The following MARCHF1 variants were observed in gnomAD, a reference collection of about 807,000 sequenced individuals.
The protein encoded by MARCHF1 is E3 ubiquitin-protein ligase MARCHF1.
MARCHF1 carries 40 observed loss-of-function variants against 54.2 expected under a neutral mutation model. That is an observed-to-expected ratio of 0.74 (90% confidence interval 0.57 to 0.96). MARCHF1 has a LOEUF of 0.96. MARCHF1 is among the 40% of genes least tolerant of loss of function. The pLI, the probability that MARCHF1 is intolerant of heterozygous loss-of-function variation, is 0.00. For missense variants in MARCHF1, 586 were observed against 656.5 expected (o/e 0.89, Z 1.17); for synonymous variants, 236 against 236.3 (o/e 1.00, Z 0.01).
intron 1 of MARCHF1, among the ~76,000 whole-genome samples, chr4:164,215,092 C>A (rs542699670): frequency 6.6e-6 from 1 of 152,312 alleles, no homozygotes; most frequent in African/African-American, 2.4e-5. Context: ...TTAGACCCTT[C>A]CTTATCACAG....
chr4:164,068,527 G>T (rs1249661926), intron 2 of MARCHF1, among the ~76,000 whole-genome samples: 1 of 152,176 alleles, frequency 6.6e-6, no homozygotes, highest in African/African-American at 2.4e-5. Context: ...AGCAGTGAGG[G>T]GCTTAGCACC....
intron 1 of MARCHF1, among the ~76,000 whole-genome samples, chr4:164,351,101 C>T (rs925452859): frequency 3.3e-5 from 5 of 152,230 alleles, no homozygotes; most frequent in Non-Finnish European, 7.3e-5. Context: ...TCACCTGGCT[C>T]GGAGGGTCCT....
rs1749702737 is a variant in MARCHF1, at chr4:163,853,950, A to G, written c.111+71T>C. The G allele has an allele frequency of 3.0e-6, 4 of 1,336,706 alleles. 1 individual carries two copies. In the Admixed American group the frequency reaches 8.6e-5, roughly 29 times the overall value. 82.8% of individuals were successfully genotyped at this position (1,336,706 alleles called of 1,614,324 possible). A position where few individuals can be genotyped will look rare whatever the true frequency, so the allele number is the denominator to read the frequency against. On this transcript the variant is annotated intron_variant, in intron 4 of 9. Coordinates refer to ENST00000514618, the MANE Select transcript of MARCHF1 (RefSeq NM_001394959.1). ...AACGATAACATTTACTTATAAGGTC[A>G]TCCTCTCCACATTTCTTTAGCATTC...
intron 2 of MARCHF1, among the ~76,000 whole-genome samples, chr4:164,028,740 AAAT>A (rs1354080305): frequency 6.6e-6 from 1 of 152,166 alleles, no homozygotes; most frequent in Non-Finnish European, 1.5e-5. Flanking sequence ...GTTGAAATGA[AAAT>A]AAAAAAAACA....
chr4:164,219,052 C>T (rs6821978), intron 1 of MARCHF1, among the ~76,000 whole-genome samples: 103,238 of 151,798 alleles, frequency 0.68, 35,383 homozygotes, highest in South Asian at 0.73. Flanking sequence ...CTGAGTTCTT[C>T]CTCGAGAAAT....
intron 3 of MARCHF1, among the ~76,000 whole-genome samples, chr4:163,972,713 ATT>A (rs34422259): frequency 0.071 from 9,946 of 139,414 alleles, 751 homozygotes; most frequent in East Asian, 0.21. Flanking sequence ...TGGCCGGCTA[ATT>A]TTTTTTTTTT....
chr4:164,282,775 T>C (rs898684544), intron 1 of MARCHF1, among the ~76,000 whole-genome samples: 2 of 151,310 alleles, frequency 1.3e-5, no homozygotes, highest in African/African-American at 4.8e-5. Context: ...CAACAGGCTC[T>C]GCCTGTCCAT....
chr4:163,876,320 T>C (rs1011713184), intron 3 of MARCHF1, among the ~76,000 whole-genome samples: 4 of 152,122 alleles, frequency 2.6e-5, no homozygotes, highest in Non-Finnish European at 5.9e-5. Flanking sequence ...AGACCTCCCA[T>C]CCCCTCGGAT....
intron 4 of MARCHF1, among the ~76,000 whole-genome samples, chr4:163,727,853 T>C (rs150968689): frequency 3.5e-4 from 53 of 152,078 alleles, no homozygotes; most frequent in African/African-American, 1.3e-3. Flanking sequence ...TATTGTTTTA[T>C]TTTTTTAATT....
At chr4:164,034,083 A>ATAGG (rs1275223782) in intron 2 of MARCHF1, among the ~76,000 whole-genome samples, 2 of 122,688 alleles carry the variant, frequency 1.6e-5, no homozygotes, top group Non-Finnish European at 3.3e-5. Flanking sequence ...AGATAGATAG[A>ATAGG]TAGATAGATA....
intron 7 of MARCHF1, among the ~76,000 whole-genome samples, chr4:163,602,594 G>A (rs2110891734): frequency 6.6e-6 from 1 of 152,218 alleles, no homozygotes; most frequent in East Asian, 1.9e-4. Context: ...ATCAACAGGA[G>A]AATGGTTGGT....
intron 4 of MARCHF1, among the ~76,000 whole-genome samples, chr4:163,836,310 ATC>A (rs1277200962): frequency 8.6e-5 from 13 of 151,032 alleles, no homozygotes; most frequent in Middle Eastern, 3.4e-3. Context: ...CAGTGGCACA[ATC>A]TCGGCTCACT....
chr4:164,183,367 T>C (rs1730884057), intron 1 of MARCHF1, among the ~76,000 whole-genome samples: 2 of 152,148 alleles, frequency 1.3e-5, no homozygotes, highest in South Asian at 4.1e-4. Flanking sequence ...ATCCACTGAG[T>C]ATTTGGTCTA....
intron 4 of MARCHF1, among the ~76,000 whole-genome samples, chr4:163,830,750 A>C (rs1178258632): frequency 6.6e-6 from 1 of 151,914 alleles, no homozygotes; most frequent in African/African-American, 2.4e-5. Context: ...CCAGTCTCTA[A>C]AAAAAGAAAC....
At position 163,722,423 on chromosome 4, in the gene MARCHF1, A is replaced by T. The variant is rs151196375; in HGVS notation, c.112-21560T>A. Among the ~76,000 whole-genome samples, 82 of 152,288 alleles carry T rather than the reference A, an allele frequency of 5.4e-4. 1 individual carries two copies. The highest frequency in any genetic ancestry group is 1.7e-3 in the African/African-American group (72 of 41,530). ...TTTGTTATAATTTCTGTTCTTTTAC[A>T]TCTGCTGAGGAGTGCTTTACTTCCA... On this transcript the variant is annotated intron_variant, in intron 4 of 9. Transcript: ENST00000514618.
At position 164,208,792 on chromosome 4, in the gene MARCHF1, A is replaced by G. The variant is rs546369637; in HGVS notation, c.-322-97130T>C. 3.9e-3 allele frequency among the ~76,000 whole-genome samples: 592 copies of G among 152,178 alleles called. 1 individual carries two copies. Among genetic ancestry groups the G allele is most frequent in the Admixed American group, 5.7e-3 (87 of 15,284 alleles). The stretch of plus-strand genomic sequence containing the variant: ...GAAATCCCATCTCTAAAAAAATACG[A>G]AAAGAATTAGCTGGGTGTGGTGGCG... On this transcript the variant is annotated intron_variant, in intron 1 of 9. Transcript: ENST00000514618.
chr4:163,653,176 T>C (rs913788234), intron 5 of MARCHF1, among the ~76,000 whole-genome samples: 2 of 151,700 alleles, frequency 1.3e-5, no homozygotes, highest in Non-Finnish European at 3.0e-5. Context: ...GAAAGAGCAC[T>C]CTAGGCAGAG....
At chr4:163,556,694 G>T (rs2102574) in intron 8 of MARCHF1, among the ~76,000 whole-genome samples, 113,930 of 151,806 alleles carry the variant, frequency 0.75, 43,019 homozygotes, top group East Asian at 0.92. Flanking sequence ...TGTGAAACTT[G>T]AAGTATTGGT....
intron 5 of MARCHF1, among the ~76,000 whole-genome samples, chr4:163,663,293 T>C (rs1743413874): frequency 6.6e-6 from 1 of 151,694 alleles, no homozygotes; most frequent in Non-Finnish European, 1.5e-5. Context: ...TTATCTTCTG[T>C]TTCTGCCTGG....
Sources: gnomAD v4.1 joint callset for allele counts (sites outside exome capture counted in the v4.1 genomes callset) on GRCh38, gnomAD v4.1.1 for gene constraint, MANE v1.5 for transcripts, NCBI Gene and HGNC (gene_info 2026-07-23, HGNC 2026-07-21) for gene names.